The following KCND3 variants were observed in gnomAD, a reference collection of about 807,000 sequenced individuals.
KCND3 encodes the protein A-type voltage-gated potassium channel KCND3.
A neutral mutation model predicts 51.1 loss-of-function variants in KCND3; 9 were observed. That is an observed-to-expected ratio of 0.18 (90% confidence interval 0.11 to 0.31). The LOEUF (loss-of-function observed/expected upper bound fraction) is 0.31. KCND3 is among the 10% of genes least tolerant of loss of function. The pLI is 1.00. For missense variants in KCND3, 526 were observed against 903.8 expected, an observed-to-expected ratio of 0.58 and a Z score of 5.36; for synonymous variants, 349 against 368.0, an observed-to-expected ratio of 0.95 and a Z score of 0.59.
At chr1:111,842,478 G>T (rs1378700404) in intron 2 of KCND3, among the ~76,000 whole-genome samples, 1 of 152,226 alleles carries the variant, frequency 6.6e-6, no homozygotes, top group Non-Finnish European at 1.5e-5. Flanking sequence ...GCCACTGAGA[G>T]AAGTCCAGGC....
chr1:111,891,923 TCC>T (rs1669842621), intron 2 of KCND3, among the ~76,000 whole-genome samples: 1 of 152,076 alleles, frequency 6.6e-6, no homozygotes, highest in Non-Finnish European at 1.5e-5. Context: ...TCAGACACCA[TCC>T]TTGCCCTTAT....
rs1044307774 is a variant in KCND3 at position 111,850,986 on chromosome 1, T to C, written c.1107-63880A>G. On this transcript the variant is annotated intron_variant, in intron 2 of 7. Coordinates refer to ENST00000302127, the MANE Select transcript of KCND3 (RefSeq NM_001378969.1). ...TGTGTATCTCTCATCCATGTTATTG[T>C]TGAGCTCCTGTACTGTGCAGCTGTT... Among the ~76,000 whole-genome samples, 6 of 152,316 alleles carry C rather than the reference T, an allele frequency of 3.9e-5. No homozygotes were observed. In the South Asian group the frequency reaches 1.0e-3, roughly 26 times the overall value.
intron 2 of KCND3, among the ~76,000 whole-genome samples, chr1:111,793,041 C>T (rs1223698705): frequency 6.6e-6 from 1 of 151,576 alleles, no homozygotes; most frequent in Non-Finnish European, 1.5e-5. Flanking sequence ...AGCTGATTTA[C>T]TTTTTGTAGA....
chr1:111,943,949 A>C (rs1672656323), intron 2 of KCND3, among the ~76,000 whole-genome samples: 1 of 152,192 alleles, frequency 6.6e-6, no homozygotes, highest in South Asian at 2.1e-4. Flanking sequence ...CCGCACACTG[A>C]TTACCTTTTA....
intron 3 of KCND3, among the ~76,000 whole-genome samples, chr1:111,782,773 A>G (rs1367465231): frequency 6.6e-6 from 1 of 152,164 alleles, no homozygotes; most frequent in Non-Finnish European, 1.5e-5. Flanking sequence ...TCTTTTAATC[A>G]TATCTTACCC....
At chr1:111,822,741 G>A (rs1279313213) in intron 2 of KCND3, among the ~76,000 whole-genome samples, 1 of 152,184 alleles carries the variant, frequency 6.6e-6, no homozygotes, top group African/African-American at 2.4e-5. Context: ...ACCACCAGAA[G>A]TGGAATTGCT....
intron 6 of KCND3, 117 bp from the exon 7 acceptor site, chr1:111,777,390 C>A: frequency 1.2e-5 from 13 of 1,070,906 alleles, no homozygotes; most frequent in Non-Finnish European, 1.7e-5. Context: ...GGGCTCCCAG[C>A]TGCCCGGATC....
At chr1:111,958,597 G>A (rs1303749372) in intron 2 of KCND3, among the ~76,000 whole-genome samples, 1 of 152,180 alleles carries the variant, frequency 6.6e-6, no homozygotes, top group African/African-American at 2.4e-5. Context: ...TCCACTCTTC[G>A]TGCTCCCCAT....
Position 111,895,427 on chromosome 1 carries a change from G to T in KCND3, c.1106+86194C>A, listed in dbSNP as rs148322841. 7.1e-4 allele frequency among the ~76,000 whole-genome samples: 108 copies of T among 152,324 alleles called. 1 individual carries two copies. The highest frequency in any genetic ancestry group is 2.4e-3 in the African/African-American group (100 of 41,574). Reference sequence around the variant, plus strand: ...AAGGGGTAATAAAAATTAAATTAAAGAAATTTTTTAAAGTTGGAAGAACAA... The same window carrying T: ...AAGGGGTAATAAAAATTAAATTAAATAAATTTTTTAAAGTTGGAAGAACAA... On this transcript the variant is annotated intron_variant, in intron 2 of 7. Coordinates refer to ENST00000302127, the MANE Select transcript of KCND3 (RefSeq NM_001378969.1).
chr1:111,778,587 G>T (rs912026683), intron 5 of KCND3, 95 bp from the exon 6 acceptor site: 41 of 1,174,628 alleles, frequency 3.5e-5, no homozygotes, highest in Non-Finnish European at 1.3e-6. Context: ...CTTGATCCCG[G>T]CATTCCACCC....
chr1:111,915,226 C>A (rs1179789174), intron 2 of KCND3, among the ~76,000 whole-genome samples: 1 of 151,964 alleles, frequency 6.6e-6, no homozygotes, highest in African/African-American at 2.4e-5. Context: ...ATGAGACAAT[C>A]TGAAAATAAA....
chr1:111,841,327 C>T (rs1410262881), intron 2 of KCND3, among the ~76,000 whole-genome samples: 2 of 152,216 alleles, frequency 1.3e-5, no homozygotes, highest in Non-Finnish European at 2.9e-5. Flanking sequence ...TAGAACTTCC[C>T]TCGCTGTACA....
intron 2 of KCND3, among the ~76,000 whole-genome samples, chr1:111,939,514 T>C (rs554355394): frequency 1.3e-5 from 2 of 152,192 alleles, no homozygotes; most frequent in Admixed American, 6.5e-5. Context: ...CTGAGAATGA[T>C]GGTTTCCAGC....
Position 111,895,186 on chromosome 1 carries a change from C to A in KCND3, c.1106+86435G>T, listed in dbSNP as rs2813863. Among the ~76,000 whole-genome samples, 29 of 147,124 alleles carry A rather than the reference C, an allele frequency of 2.0e-4. No individual in the cohort carries two copies. The East Asian group carries it at 5.7e-3, about 29-fold the overall frequency. On this transcript the variant is annotated intron_variant, in intron 2 of 7. Transcript: ENST00000302127. ...GAGGGGGAAGGAGGGAGACCAAGAG[C>A]AAGGAGGGGGAGGAGGCAGGGTGAG...
At chr1:111,977,747 C>T (rs187522702) in intron 2 of KCND3, among the ~76,000 whole-genome samples, 36 of 152,262 alleles carry the variant, frequency 2.4e-4, no homozygotes, top group East Asian at 2.1e-3. Flanking sequence ...ATGGACTGTC[C>T]GGGACAATCA....
chr1:111,837,366 A>C (rs603331), intron 2 of KCND3, among the ~76,000 whole-genome samples: 142,457 of 152,264 alleles, frequency 0.94, 66,708 homozygotes, highest in East Asian at 1. Flanking sequence ...AAAAAACAAG[A>C]AGATCTCTGC....
chr1:111,802,160 T>G (rs1665340394), intron 2 of KCND3, among the ~76,000 whole-genome samples: 1 of 152,262 alleles, frequency 6.6e-6, no homozygotes, highest in African/African-American at 2.4e-5. Context: ...GCTTAGTTCT[T>G]CTGCATGAAA....
intron 2 of KCND3, among the ~76,000 whole-genome samples, chr1:111,916,391 C>T (rs1457049640): frequency 1.3e-5 from 2 of 151,810 alleles, no homozygotes; most frequent in Admixed American, 1.3e-4. Context: ...TGACAATATA[C>T]CAAAGTCAAT....
intron 2 of KCND3, among the ~76,000 whole-genome samples, chr1:111,794,671 T>A (rs1394840229): frequency 6.6e-6 from 1 of 152,152 alleles, no homozygotes; most frequent in Non-Finnish European, 1.5e-5. Flanking sequence ...TTCCAGGGAC[T>A]CAGACCTCTG....
Sources: allele counts gnomAD v4.1 joint callset (sites outside exome capture counted in the v4.1 genomes callset), GRCh38; gene constraint gnomAD v4.1.1; transcripts MANE v1.5; gene names NCBI Gene and HGNC (gene_info 2026-07-23, HGNC 2026-07-21).